Variants in ELP4 observed in about 807,000 individuals in gnomAD.
The protein encoded by ELP4 is elongator acetyltransferase complex subunit 4.
ELP4 carries 51 observed loss-of-function variants against 48.9 expected under a neutral mutation model. The observed-to-expected ratio is 1.04, with a 90% CI of 0.83 to 1.32. The LOEUF (loss-of-function observed/expected upper bound fraction) is 1.32, where lower values mean the gene tolerates loss of function less well. Among genes scored for constraint, ELP4 ranks in the 40% most tolerant of loss-of-function variants. The probability of loss-of-function intolerance (pLI) is 0.00; values close to 1 mark genes in which losing one functional copy is unlikely to be tolerated. For missense variants in ELP4, 519 were observed against 514.6 expected (o/e 1.01, Z -0.08); for synonymous variants, 210 against 189.2 (o/e 1.11, Z -0.90).
At chr11:31,584,721 C>T (rs1048975900) in intron 3 of ELP4, among the ~76,000 whole-genome samples, 8 of 152,126 alleles carry the variant, frequency 5.3e-5, no homozygotes, top group Admixed American at 2.0e-4. Context: ...GACGGGGTTT[C>T]GCCGTGTTGG....
chr11:31,716,165 C>A (rs1946838506), intron 9 of ELP4, among the ~76,000 whole-genome samples: 1 of 152,120 alleles, frequency 6.6e-6, no homozygotes, highest in Non-Finnish European at 1.5e-5. Context: ...CGGGCACACA[C>A]CACCACATCC....
intron 9 of ELP4, among the ~76,000 whole-genome samples, chr11:31,722,578 A>G (rs1282313265): frequency 6.6e-6 from 1 of 152,078 alleles, no homozygotes; most frequent in Non-Finnish European, 1.5e-5. Flanking sequence ...GAAAATGAAA[A>G]TGTGGGTCCT....
intron 7 of ELP4, among the ~76,000 whole-genome samples, chr11:31,637,034 C>T (rs753706351): frequency 2.0e-5 from 3 of 151,838 alleles, no homozygotes; most frequent in Non-Finnish European, 2.9e-5. Context: ...AAGTTAAGTA[C>T]AGACTTTGTT....
intron 9 of ELP4, among the ~76,000 whole-genome samples, chr11:31,705,794 T>C (rs1309855107): frequency 6.6e-6 from 1 of 152,206 alleles, no homozygotes; most frequent in Admixed American, 6.5e-5. Context: ...ACATTCTACA[T>C]GGTAAATTTT....
intron 9 of ELP4, among the ~76,000 whole-genome samples, chr11:31,674,089 C>T (rs560779854): frequency 6.6e-6 from 1 of 152,170 alleles, no homozygotes; most frequent in Non-Finnish European, 1.5e-5. Flanking sequence ...AGGTATCTTT[C>T]GTGGAGAATA....
At chr11:31,511,941 T>C (rs898237054) in intron 1 of ELP4, 2 of 152,252 alleles carry the variant, frequency 1.3e-5, no homozygotes, top group African/African-American at 4.8e-5. Flanking sequence ...GGTTGTTGAA[T>C]ACTTTGAAAT....
chr11:31,765,860 TTTTG>T (rs1431121511), intron 9 of ELP4, among the ~76,000 whole-genome samples: 1 of 152,072 alleles, frequency 6.6e-6, no homozygotes, highest in Non-Finnish European at 1.5e-5. Flanking sequence ...GTAGTGGGCT[TTTTG>T]TTTGTTTTTG....
chr11:31,692,547 G>C (rs1946301647), intron 9 of ELP4, among the ~76,000 whole-genome samples: 1 of 152,096 alleles, frequency 6.6e-6, no homozygotes. Flanking sequence ...TAAAGTCCTA[G>C]CTACCCCAGC....
intron 3 of ELP4, among the ~76,000 whole-genome samples, chr11:31,590,592 T>G (rs1957551311): frequency 6.6e-6 from 1 of 152,182 alleles, no homozygotes; most frequent in Admixed American, 6.5e-5. Flanking sequence ...CAAATTGTTA[T>G]AAAGAAATGC....
intron 9 of ELP4, among the ~76,000 whole-genome samples, chr11:31,760,363 A>G (rs531499798): frequency 5.3e-5 from 8 of 152,272 alleles, no homozygotes; most frequent in Admixed American, 4.6e-4. Context: ...GGATTTCATA[A>G]TATTTCCAGA....
chr11:31,514,854 T>G (rs533785063), intron 1 of ELP4, among the ~76,000 whole-genome samples: 57 of 152,172 alleles, frequency 3.7e-4, no homozygotes, highest in Non-Finnish European at 5.4e-4. Flanking sequence ...ACATTCAAAC[T>G]TTTAAGTTAA....
intron 9 of ELP4, among the ~76,000 whole-genome samples, chr11:31,660,769 A>G (rs1276983095): frequency 2.0e-5 from 3 of 152,050 alleles, no homozygotes; most frequent in African/African-American, 7.2e-5. Flanking sequence ...TATACAGTCT[A>G]TCTTTTCTGC....
At chr11:31,683,566 A>G (rs974934446) in intron 9 of ELP4, among the ~76,000 whole-genome samples, 7 of 152,288 alleles carry the variant, frequency 4.6e-5, no homozygotes, top group Non-Finnish European at 1.0e-4. Context: ...TAAATCCATC[A>G]TCATTTCTGC....
intron 9 of ELP4, among the ~76,000 whole-genome samples, chr11:31,746,753 G>C (rs1039754242): frequency 6.6e-6 from 1 of 152,086 alleles, no homozygotes; most frequent in Admixed American, 6.5e-5. Flanking sequence ...TCGGTGGAGG[G>C]GGGAGGGATA....
chr11:31,669,372 C>T (rs1267867003), intron 9 of ELP4, among the ~76,000 whole-genome samples: 2 of 152,226 alleles, frequency 1.3e-5, no homozygotes, highest in South Asian at 2.1e-4. Flanking sequence ...TGAGCCACCG[C>T]GCCTGGCCCA....
intron 9 of ELP4, among the ~76,000 whole-genome samples, chr11:31,700,676 C>T (rs1291491745): frequency 6.6e-6 from 1 of 151,978 alleles, no homozygotes; most frequent in African/African-American, 2.4e-5. Flanking sequence ...AAGATAGGGA[C>T]ATGTGTATTC....
At chr11:31,668,932 G>A (rs957551329) in intron 9 of ELP4, among the ~76,000 whole-genome samples, 1 of 151,450 alleles carries the variant, frequency 6.6e-6, no homozygotes, top group Non-Finnish European at 1.5e-5. Context: ...TTAGTCCAAT[G>A]CTTTTTATTA....
At chr11:31,623,397 A>C (rs758385152) in intron 5 of ELP4, among the ~76,000 whole-genome samples, 21 of 143,306 alleles carry the variant, frequency 1.5e-4, no homozygotes, top group Non-Finnish European at 2.5e-4. Flanking sequence ...ATATAAAACT[A>C]GAAACATTGC....
chr11:31,731,193 A>G (rs1565130335), intron 9 of ELP4, among the ~76,000 whole-genome samples: 1 of 152,206 alleles, frequency 6.6e-6, no homozygotes, highest in Non-Finnish European at 1.5e-5. Context: ...AGAAACAGGG[A>G]AATAGGCCAA....
Sources: gnomAD v4.1 joint callset for allele counts (sites outside exome capture counted in the v4.1 genomes callset) on GRCh38, gnomAD v4.1.1 for gene constraint, MANE v1.5 for transcripts, NCBI Gene and HGNC (gene_info 2026-07-23, HGNC 2026-07-21) for gene names.